GRM3: variants seen among roughly 807,000 people sequenced by gnomAD.
GRM3 encodes the protein metabotropic glutamate receptor 3.
In GRM3, 26 loss-of-function variants were observed where a neutral mutation model predicts 70.5. The ratio of observed to expected loss-of-function variants is 0.37; its 90% CI spans 0.27 to 0.51. The LOEUF is 0.51. GRM3 is among the 20% of genes least tolerant of loss of function. The pLI is 0.93. For synonymous variants in GRM3, 443 were observed against 434.9 expected (o/e 1.02, Z -0.23); for missense variants, 859 against 1,123.8 (o/e 0.76, Z 3.37).
intron 1 of GRM3, among the ~76,000 whole-genome samples, chr7:86,733,419 T>G (rs1386918891): frequency 6.6e-6 from 1 of 151,994 alleles, no homozygotes; most frequent in East Asian, 1.9e-4. Context: ...ATTATGGGCT[T>G]GAGGCTCTTG....
chr7:86,773,082 A>T (rs1796787475), intron 2 of GRM3, among the ~76,000 whole-genome samples: 1 of 152,020 alleles, frequency 6.6e-6, no homozygotes, highest in South Asian at 2.1e-4. Flanking sequence ...TTTGGGGTAC[A>T]AATGATCCTG....
intron 1 of GRM3, among the ~76,000 whole-genome samples, chr7:86,647,817 T>A (rs1793512083): frequency 6.6e-6 from 1 of 152,220 alleles, no homozygotes; most frequent in South Asian, 2.1e-4. Flanking sequence ...TAATGTAGGC[T>A]TGGTCCCCAT....
At chr7:86,791,765 T>C (rs898596911) in intron 3 of GRM3, among the ~76,000 whole-genome samples, 19 of 152,352 alleles carry the variant, frequency 1.2e-4, no homozygotes, top group African/African-American at 3.6e-4. Flanking sequence ...TTATTTCTTT[T>C]TAAGATACCT....
At chr7:86,813,484 G>A (rs1370259081) in intron 3 of GRM3, among the ~76,000 whole-genome samples, 11 of 151,836 alleles carry the variant, frequency 7.2e-5, no homozygotes, top group Admixed American at 7.2e-4. Context: ...GAGAACAGCA[G>A]TTGAATTTTT....
chr7:86,716,778 A>T (rs985271778), intron 1 of GRM3, among the ~76,000 whole-genome samples: 2 of 151,968 alleles, frequency 1.3e-5, no homozygotes, highest in African/African-American at 4.8e-5. Flanking sequence ...TATAAGAAAA[A>T]CTATTTCCCT....
intron 1 of GRM3, among the ~76,000 whole-genome samples, chr7:86,755,438 CT>C (rs1401042988): frequency 2.0e-5 from 3 of 152,026 alleles, no homozygotes; most frequent in Non-Finnish European, 4.4e-5. Context: ...GAATCTAACC[CT>C]TTAGTTGCTG....
chr7:86,833,397 A>G (rs1055786621), intron 3 of GRM3, among the ~76,000 whole-genome samples: 39 of 142,314 alleles, frequency 2.7e-4, no homozygotes, highest in African/African-American at 1.0e-3. Flanking sequence ...AAAGTATGAT[A>G]ATAATAATAA....
chr7:86,724,213 C>A (rs1007543431), intron 1 of GRM3, among the ~76,000 whole-genome samples: 2 of 151,994 alleles, frequency 1.3e-5, no homozygotes, highest in Non-Finnish European at 2.9e-5. Flanking sequence ...ATGCTCTTAT[C>A]ATTCTTGAAA....
At chr7:86,654,510 A>G (rs1793685506) in intron 1 of GRM3, among the ~76,000 whole-genome samples, 1 of 152,154 alleles carries the variant, frequency 6.6e-6, no homozygotes, top group Non-Finnish European at 1.5e-5. Flanking sequence ...AGCAGTCTCT[A>G]CGTATCTAAA....
chr7:86,760,897 A>G (rs982619750), intron 1 of GRM3, among the ~76,000 whole-genome samples: 6 of 152,118 alleles, frequency 3.9e-5, no homozygotes, highest in East Asian at 1.9e-4. Flanking sequence ...GTCATCCCCC[A>G]ACTTATTTTT....
At chr7:86,676,367 CA>C (rs1038763386) in intron 1 of GRM3, among the ~76,000 whole-genome samples, 2 of 151,812 alleles carry the variant, frequency 1.3e-5, no homozygotes, top group African/African-American at 4.8e-5. Context: ...CCATGAAAAA[CA>C]ATTCCTATAC....
intron 3 of GRM3, among the ~76,000 whole-genome samples, chr7:86,818,087 T>C (rs2299224): frequency 0.038 from 5,814 of 152,078 alleles, 139 homozygotes; most frequent in East Asian, 0.066. Context: ...ATGAATTCCT[T>C]CTCAAACGAT....
intron 3 of GRM3, among the ~76,000 whole-genome samples, chr7:86,818,428 T>C (rs901179544): frequency 1.3e-5 from 2 of 152,076 alleles, no homozygotes; most frequent in African/African-American, 4.8e-5. Context: ...TGGAGTCATG[T>C]AGACCTGAGT....
intron 1 of GRM3, among the ~76,000 whole-genome samples, chr7:86,749,942 T>C (rs928002835): frequency 6.6e-6 from 1 of 152,026 alleles, no homozygotes; most frequent in African/African-American, 2.4e-5. Context: ...CCTGAGCAAG[T>C]AGCACTTAAG....
intron 1 of GRM3, among the ~76,000 whole-genome samples, chr7:86,727,738 C>T (rs1795624321): frequency 6.6e-6 from 1 of 152,104 alleles, no homozygotes; most frequent in South Asian, 2.1e-4. Flanking sequence ...TTTCAGTCCC[C>T]ATATGTATGA....
chr7:86,723,261 T>C (rs1380951758), intron 1 of GRM3, among the ~76,000 whole-genome samples: 1 of 152,050 alleles, frequency 6.6e-6, no homozygotes, highest in Non-Finnish European at 1.5e-5. Flanking sequence ...AGGTGATAGA[T>C]ATAATGATGA....
chr7:86,696,751 G>A (rs912356463), intron 1 of GRM3, among the ~76,000 whole-genome samples: 2 of 152,094 alleles, frequency 1.3e-5, no homozygotes, highest in Non-Finnish European at 2.9e-5. Context: ...CTCCTGCTAC[G>A]TGTCAAACAC....
At chr7:86,855,239 G>A (rs1798825033) in intron 5 of GRM3, among the ~76,000 whole-genome samples, 1 of 152,148 alleles carries the variant, frequency 6.6e-6, no homozygotes, top group Non-Finnish European at 1.5e-5. Flanking sequence ...AATATTTAAA[G>A]AGACAAGCTG....
At chr7:86,724,704 G>A (rs930274073) in intron 1 of GRM3, among the ~76,000 whole-genome samples, 1 of 152,038 alleles carries the variant, frequency 6.6e-6, no homozygotes, top group Non-Finnish European at 1.5e-5. Flanking sequence ...TGTGTTTCTA[G>A]CAAATCCTAA....
Sources: gnomAD v4.1 joint callset for allele counts (sites outside exome capture counted in the v4.1 genomes callset) on GRCh38, gnomAD v4.1.1 for gene constraint, MANE v1.5 for transcripts, NCBI Gene and HGNC (gene_info 2026-07-23, HGNC 2026-07-21) for gene names.